The following ANXA8 variants were observed in gnomAD, a reference collection of about 807,000 sequenced individuals.
ANXA8 encodes the protein VAC-beta.
Under a neutral mutation model 26.8 loss-of-function variants are expected in ANXA8, and 9 were observed. The ratio of observed to expected loss-of-function variants is 0.34; its 90% CI spans 0.20 to 0.59. The LOEUF (loss-of-function observed/expected upper bound fraction) is 0.59, where lower values mean the gene tolerates loss of function less well. Ranked by LOEUF, ANXA8 falls within the 20% of genes least tolerant of loss-of-function variation. The pLI is 0.84. For missense variants in ANXA8, 83 were observed against 238.5 expected, an observed-to-expected ratio of 0.35 and a Z score of 4.29; for synonymous variants, 39 against 94.8, an observed-to-expected ratio of 0.41 and a Z score of 3.42.
chr10:47,585,212 C>G, the ANXA8 span, among the ~76,000 whole-genome samples: 2 of 108,828 alleles, frequency 1.8e-5, no homozygotes, highest in Non-Finnish European at 3.4e-5. Flanking sequence ...TGCAGTGAAC[C>G]GAGATCGCAC....
At chr10:47,498,249 C>T in the ANXA8 span, among the ~76,000 whole-genome samples, 7 of 149,654 alleles carry the variant, frequency 4.7e-5, no homozygotes, top group African/African-American at 1.7e-4. Flanking sequence ...GAAGGAACAC[C>T]GTATTTGTCT....
At chr10:47,680,392 T>G in the ANXA8 span, among the ~76,000 whole-genome samples, 1 of 151,920 alleles carries the variant, frequency 6.6e-6, no homozygotes, top group African/African-American at 2.4e-5. Flanking sequence ...TCCAGCACTT[T>G]GGGAGTCTGC....
the ANXA8 span, among the ~76,000 whole-genome samples, chr10:47,587,996 G>T: frequency 6.9e-6 from 1 of 144,102 alleles, no homozygotes. Flanking sequence ...GCGGTTTGTT[G>T]TTCAGTTTTT....
At chr10:47,700,355 T>G in the ANXA8 span, among the ~76,000 whole-genome samples, 16 of 152,048 alleles carry the variant, frequency 1.1e-4, 1 homozygote, top group African/African-American at 3.9e-4. Context: ...CCCACCTACA[T>G]ATAGCAATTT....
chr10:47,595,604 G>A, the ANXA8 span, among the ~76,000 whole-genome samples: 1 of 149,368 alleles, frequency 6.7e-6, no homozygotes, highest in South Asian at 2.1e-4. Context: ...AAGAGCAGGA[G>A]TTTCTATTCT....
the ANXA8 span, among the ~76,000 whole-genome samples, chr10:47,948,847 T>C: frequency 2.0e-3 from 307 of 151,254 alleles, no homozygotes; most frequent in Middle Eastern, 3.4e-3. Context: ...GGCTAAGAAA[T>C]GTGGGTGGGC....
At chr10:47,567,541 A>G in the ANXA8 span, among the ~76,000 whole-genome samples, 3 of 150,700 alleles carry the variant, frequency 2.0e-5, no homozygotes, top group African/African-American at 7.4e-5. Context: ...TGTTTCTTCT[A>G]TTTGTTCTTC....
chr10:47,495,819 A>G, the ANXA8 span, among the ~76,000 whole-genome samples: 2 of 151,430 alleles, frequency 1.3e-5, no homozygotes, highest in South Asian at 4.2e-4. Flanking sequence ...GTGCAGAAGA[A>G]CAGGGCATGG....
the ANXA8 span, among the ~76,000 whole-genome samples, chr10:47,673,789 TA>T: frequency 4.6e-5 from 7 of 151,494 alleles, no homozygotes; most frequent in African/African-American, 1.5e-4. Flanking sequence ...TTAATTTATT[TA>T]TTTTTTTAGT....
chr10:47,612,781 GC>G, the ANXA8 span, among the ~76,000 whole-genome samples: 1 of 73,952 alleles, frequency 1.4e-5, no homozygotes, highest in Non-Finnish European at 3.4e-5. Flanking sequence ...CAGCCCTCTT[GC>G]CATACGATAC....
chr10:47,776,036 A>G, the ANXA8 span, among the ~76,000 whole-genome samples: 1 of 152,092 alleles, frequency 6.6e-6, no homozygotes, highest in Non-Finnish European at 1.5e-5. Flanking sequence ...TCAGTTTCAA[A>G]GCAGCAGAAA....
At chr10:47,942,689 C>T in the ANXA8 span, among the ~76,000 whole-genome samples, 1 of 142,426 alleles carries the variant, frequency 7.0e-6, no homozygotes, top group Admixed American at 7.0e-5. Flanking sequence ...ACTCCTCTGC[C>T]TTGGCTGGAA....
the ANXA8 span, among the ~76,000 whole-genome samples, chr10:47,947,460 A>AAT: frequency 6.8e-6 from 1 of 146,410 alleles, no homozygotes; most frequent in Non-Finnish European, 1.5e-5. Context: ...ATATCCAGAA[A>AAT]TCTGTACAGT....
the ANXA8 span, among the ~76,000 whole-genome samples, chr10:47,687,057 T>C: frequency 6.6e-6 from 1 of 151,112 alleles, no homozygotes; most frequent in African/African-American, 2.4e-5. Flanking sequence ...TGAGCCATGA[T>C]TGCACCATTG....
the ANXA8 span, among the ~76,000 whole-genome samples, chr10:47,937,535 G>A: frequency 1.4e-5 from 2 of 142,424 alleles, no homozygotes; most frequent in African/African-American, 5.1e-5. Context: ...TGTGTCATGG[G>A]GATTTGTTGC....
chr10:47,617,736 C>T, the ANXA8 span, among the ~76,000 whole-genome samples: 1 of 148,156 alleles, frequency 6.7e-6, no homozygotes, highest in South Asian at 2.1e-4. Flanking sequence ...AATAACTTTG[C>T]TACTGGTTTC....
chr10:47,618,123 A>G, the ANXA8 span, among the ~76,000 whole-genome samples: 2 of 110,218 alleles, frequency 1.8e-5, no homozygotes, highest in Admixed American at 9.6e-5. Context: ...CATTCACAAC[A>G]AAAACGATGC....
At chr10:47,982,229 G>T in the ANXA8 span, among the ~76,000 whole-genome samples, 1 of 149,420 alleles carries the variant, frequency 6.7e-6, no homozygotes, top group Non-Finnish European at 1.5e-5. Context: ...GGTCTATGAT[G>T]CAGTGACCTA....
At chr10:47,748,544 A>C in the ANXA8 span, among the ~76,000 whole-genome samples, 1 of 152,154 alleles carries the variant, frequency 6.6e-6, no homozygotes, top group Non-Finnish European at 1.5e-5. Context: ...GCTGCAAATG[A>C]AAGACAAGGA....
Sources: allele counts gnomAD v4.1 joint callset (sites outside exome capture counted in the v4.1 genomes callset), GRCh38; gene constraint gnomAD v4.1.1; transcripts MANE v1.5; gene names NCBI Gene and HGNC (gene_info 2026-07-23, HGNC 2026-07-21).